Variants in NR2C2 observed in about 807,000 individuals in gnomAD.
NR2C2 encodes nuclear receptor subfamily 2 group C member 2.
In NR2C2, 6 loss-of-function variants were observed where a neutral mutation model predicts 62.9. The ratio of observed to expected loss-of-function variants is 0.10; its 90% confidence interval spans 0.05 to 0.19. The LOEUF (loss-of-function observed/expected upper bound fraction) is 0.19. Among genes scored for constraint, NR2C2 ranks in the 10% least tolerant of loss-of-function variants. NR2C2 has a pLI of 1.00. For missense variants in NR2C2, 479 were observed against 762.7 expected (o/e 0.63, Z 4.38); for synonymous variants, 272 against 273.8 (o/e 0.99, Z 0.07).
chr3:15,030,178 CT>C, intron 8 of NR2C2, 96 bp from the exon 9 acceptor site: 2 of 1,024,726 alleles, frequency 2.0e-6, no homozygotes, highest in East Asian at 5.5e-5. Flanking sequence ...ATTTAATTAT[CT>C]TTTCCCACTG....
In NR2C2 at chr3:14,981,910, C is replaced by T. The variant is rs1234897156; in HGVS notation, c.-39-21966C>T. ...GGCAGTCTAGTCCTTCCATGTTCCT[C>T]TGTACGCTTTTATCCTAGCTGGGCT... On this transcript the variant is annotated intron_variant, in intron 1 of 13. Coordinates refer to ENST00000425241, the MANE Select transcript of NR2C2 (RefSeq NM_001291694.2). Among the ~76,000 whole-genome samples, 5 of 152,216 alleles carry T rather than the reference C, an allele frequency of 3.3e-5. No homozygotes were observed. In the East Asian group the frequency reaches 9.6e-4, roughly 29 times the overall value.
At chr3:15,004,887 T>G (rs2041123798) in intron 2 of NR2C2, among the ~76,000 whole-genome samples, 2 of 152,136 alleles carry the variant, frequency 1.3e-5, no homozygotes, top group African/African-American at 4.8e-5. Context: ...ATTAACCCCT[T>G]TCTTGCTTGC....
intron 4 of NR2C2, 143 bp from the exon 5 acceptor site, chr3:15,020,610 C>A: frequency 1.3e-6 from 1 of 785,610 alleles, no homozygotes; most frequent in Non-Finnish European, 2.0e-6. Context: ...ATGCTTAATG[C>A]TCAGGCCACG....
chr3:15,003,885 A>G lies in NR2C2; in HGVS notation c.-30A>G, dbSNP rs767360298. ...CACTTCTCACCCACAGGTAACACGT[A>G]CACAGACCTCTCGGCCGGAATCTCC... On this transcript the variant is annotated 5_prime_UTR_variant, in exon 2 of 14. Coordinates refer to ENST00000425241, the MANE Select transcript of NR2C2 (RefSeq NM_001291694.2). The G allele has an allele frequency of 1.2e-6, 2 of 1,611,426 alleles. No homozygotes were observed. Among genetic ancestry groups the G allele is most frequent in the Admixed American group, 1.7e-5 (1 of 59,996 alleles).
chr3:15,008,095 C>T (rs1428383806), intron 2 of NR2C2, among the ~76,000 whole-genome samples: 1 of 152,124 alleles, frequency 6.6e-6, no homozygotes, highest in Non-Finnish European at 1.5e-5. Flanking sequence ...CCACCTGGCA[C>T]CATGGGGAGA....
rs555618346 is a variant in NR2C2 at position 15,023,887 on chromosome 3, T to C, written c.705-228T>C. ...AGTCATCCTGGAAAGCCCTGGGGGA[T>C]GCATCTGCATTTCATCCTGTCTCAA... On this transcript the variant is annotated intron_variant, in intron 6 of 13. Transcript: ENST00000425241. Among the ~76,000 whole-genome samples, 204 of 152,296 alleles carry C rather than the reference T, an allele frequency of 1.3e-3. 1 individual carries two copies. Among genetic ancestry groups the C allele is most frequent in the Admixed American group, 0.012 (189 of 15,300 alleles).
intron 1 of NR2C2, among the ~76,000 whole-genome samples, chr3:14,984,994 T>C (rs879758015): frequency 6.6e-6 from 1 of 152,158 alleles, no homozygotes. Flanking sequence ...GTGTACTAGC[T>C]CTTAATTGTA....
intron 8 of NR2C2, among the ~76,000 whole-genome samples, chr3:15,029,696 T>G (rs1416568626): frequency 6.6e-6 from 1 of 152,120 alleles, no homozygotes; most frequent in Non-Finnish European, 1.5e-5. Flanking sequence ...GGCTCACAGC[T>G]ATAATCCCAG....
intron 1 of NR2C2, among the ~76,000 whole-genome samples, chr3:14,994,747 T>C (rs2040774545): frequency 7.5e-6 from 1 of 133,302 alleles, no homozygotes; most frequent in Admixed American, 7.9e-5. Context: ...AACCTATTCA[T>C]TCTTTAAAAA....
intron 1 of NR2C2, 167 bp downstream of exon 1, chr3:14,948,073 C>T (rs1016466384): frequency 2.6e-5 from 4 of 152,074 alleles, no homozygotes; most frequent in East Asian, 2.0e-4. Context: ...GGGCCGCTCC[C>T]CTCCCCTCCC....
intron 1 of NR2C2, among the ~76,000 whole-genome samples, chr3:14,963,337 T>C (rs1559530383): frequency 6.8e-6 from 1 of 147,494 alleles, no homozygotes; most frequent in Non-Finnish European, 1.5e-5. Flanking sequence ...TCTCAAAAAA[T>C]AAGTAATTAG....
intron 1 of NR2C2, among the ~76,000 whole-genome samples, chr3:14,965,103 AC>A: frequency 6.6e-6 from 1 of 152,210 alleles, no homozygotes. Context: ...GGGAGAACAT[AC>A]AAACTCCCCA....
Position 14,985,446 on chromosome 3 carries a change from TCA to T in NR2C2, c.-39-18427_-39-18426del, listed in dbSNP as rs201632330. On this transcript the variant is annotated intron_variant, in intron 1 of 13. Coordinates refer to ENST00000425241, the MANE Select transcript of NR2C2 (RefSeq NM_001291694.2). ...ACCTTTTTGTTACGTTTTAATTTAATCACAATGTAATCAGAGGATCTGATCTT... is the reference window on the plus strand; with the variant it reads ...ACCTTTTTGTTACGTTTTAATTTAATCAATGTAATCAGAGGATCTGATCTT... Among the ~76,000 whole-genome samples the T allele has an allele frequency of 5.7e-3, 873 of 152,284 alleles. 9 individuals carry two copies. The highest frequency in any genetic ancestry group is 0.02 in the African/African-American group (829 of 41,574).
At chr3:15,021,641 G>C (rs1447890256) in intron 5 of NR2C2, among the ~76,000 whole-genome samples, 1 of 152,216 alleles carries the variant, frequency 6.6e-6, no homozygotes, top group Non-Finnish European at 1.5e-5. Context: ...AGCCACAGTA[G>C]GAAAATGGAG....
At chr3:14,951,363 T>A (rs1219693377) in intron 1 of NR2C2, among the ~76,000 whole-genome samples, 1 of 152,264 alleles carries the variant, frequency 6.6e-6, no homozygotes, top group African/African-American at 2.4e-5. Context: ...TTTTGTTAAG[T>A]ATACATCAAG....
chr3:15,019,359 G>A (rs575094731), intron 4 of NR2C2, among the ~76,000 whole-genome samples: 1 of 152,306 alleles, frequency 6.6e-6, no homozygotes, highest in South Asian at 2.1e-4. Context: ...AAACTGTATG[G>A]AGGTTCTTCA....
chr3:15,010,781 C>G (rs2041331086), intron 2 of NR2C2, among the ~76,000 whole-genome samples: 1 of 151,962 alleles, frequency 6.6e-6, no homozygotes, highest in Non-Finnish European at 1.5e-5. Context: ...CTGTCCTTGT[C>G]TGGAACCAGT....
chr3:15,032,326 GCCATCC>G, intron 9 of NR2C2, 47 bp from the exon 10 acceptor site: 1 of 1,613,038 alleles, frequency 6.2e-7, no homozygotes, highest in Non-Finnish European at 8.5e-7. Flanking sequence ...GACAGACAAA[GCCATCC>G]CCTGTCCTTC....
chr3:14,982,451 T>A (rs1222227180), intron 1 of NR2C2, among the ~76,000 whole-genome samples: 1 of 152,208 alleles, frequency 6.6e-6, no homozygotes, highest in African/African-American at 2.4e-5. Flanking sequence ...AGAGAGTTGA[T>A]CTCTTCATCA....
Sources: allele counts gnomAD v4.1 joint callset (sites outside exome capture counted in the v4.1 genomes callset), GRCh38; gene constraint gnomAD v4.1.1; transcripts MANE v1.5; gene names NCBI Gene and HGNC (gene_info 2026-07-23, HGNC 2026-07-21).